CMA1: variants seen among roughly 807,000 people sequenced by gnomAD.
The protein encoded by CMA1 is chymase.
A neutral mutation model predicts 18.8 loss-of-function variants in CMA1; 24 were observed. That is an observed-to-expected ratio of 1.28 (90% confidence interval 0.92 to 1.80). The LOEUF (loss-of-function observed/expected upper bound fraction) is 1.80, where lower values mean the gene tolerates loss of function less well. Among genes scored for constraint, CMA1 ranks in the 40% most tolerant of loss-of-function variants. The pLI is 0.00. For synonymous variants in CMA1, 152 were observed against 117.0 expected (o/e 1.30, Z -1.93); for missense variants, 421 against 302.8 (o/e 1.39, Z -2.90).
At position 24,506,783 on chromosome 14, in the gene CMA1, G is replaced by A. The variant is rs916794109; in HGVS notation, c.210-179C>T. Among the ~76,000 whole-genome samples the A allele has an allele frequency of 2.0e-5, 3 of 152,166 alleles. No individual in the cohort carries two copies. The East Asian group carries it at 5.8e-4, about 29-fold the overall frequency. ...GGGCTCAGGCTTAACTCATGAAAGA[G>A]CTTTCTCAGGAAACAGACACAATTT... On this transcript the variant is annotated intron_variant, in intron 2 of 4. Coordinates refer to ENST00000250378, the MANE Select transcript of CMA1 (RefSeq NM_001836.5).
Position 24,506,084 on chromosome 14 carries a change from C to T in CMA1, c.544G>A (p.Asp182Asn). 6.2e-7 allele frequency: 1 copy of T among 1,614,222 alleles called. No homozygotes were observed. The highest frequency in any genetic ancestry group is 8.5e-7 in the Non-Finnish European group (1 of 1,180,038). The change falls in exon 4 of 5, where the codon GAC (aspartate) becomes AAC (asparagine). Residue 182 changes from aspartate to asparagine, a missense_variant. Transcript: ENST00000250378. ...CCCACACACAGCTGAAGATTGTGGTCAAAGTCTCTGAAGTGGCTGCAGGCC... is the reference window on the plus strand; with the variant it reads ...CCCACACACAGCTGAAGATTGTGGTTAAAGTCTCTGAAGTGGCTGCAGGCC... The part of the protein sequence containing the change: ...PQACSHFRDF[D>N]HNLQLCVGNP...
intron 4 of CMA1, 94 bp downstream of exon 4, chr14:24,505,934 C>G: frequency 6.6e-7 from 1 of 1,504,210 alleles, no homozygotes; most frequent in Non-Finnish European, 9.1e-7. Flanking sequence ...CTCACCCTGT[C>G]ACTGACTGAC....
intron 3 of CMA1, 37 bp from the exon 4 acceptor site, chr14:24,506,319 G>T: frequency 6.2e-7 from 1 of 1,606,664 alleles, no homozygotes; most frequent in Non-Finnish European, 8.5e-7. Flanking sequence ...TCCTCGAAAT[G>T]GGCTCTGGAC....
In CMA1 at chr14:24,506,347, G is replaced by A; in HGVS notation, c.346-65C>T. On this transcript the variant is annotated intron_variant, in intron 3 of 4. Coordinates refer to ENST00000250378, the MANE Select transcript of CMA1 (RefSeq NM_001836.5). ...CTCTGGACAGTTGGAGGTGATCAGG[G>A]AGGGACAGGGTGAGTAGCTTCATGT... 6 of 1,594,404 alleles carry A rather than the reference G, an allele frequency of 3.8e-6. No individual in the cohort carries two copies. The South Asian group carries it at 5.7e-5, about 15-fold the overall frequency.
At chr14:24,507,184 G>A (rs1351788702) in intron 2 of CMA1, among the ~76,000 whole-genome samples, 172 bp downstream of exon 2, 3 of 152,168 alleles carry the variant, frequency 2.0e-5, no homozygotes, top group Non-Finnish European at 4.4e-5. Context: ...CAGTGACTGA[G>A]GCTCAAGGAA....
At position 24,506,608 on chromosome 14, in the gene CMA1, T is replaced by C. The variant is rs5248; in HGVS notation, c.210-4A>G. The C allele has an allele frequency of 0.083, 133,636 of 1,612,974 alleles. 6,185 individuals are homozygous for C. Among genetic ancestry groups the C allele is most frequent in the East Asian group, 0.21 (9,338 of 44,856 alleles). On this transcript the variant is annotated splice_polypyrimidine_tract_variant and splice_region_variant and intron_variant, in intron 2 of 4. Transcript: ENST00000250378. ...TCCAAGGGTGACTGTTATAGACCTG[T>C]TGTGAGGAAGAAGGAAGGAAAAGGA...
chr14:24,505,658 C>A lies in CMA1; in HGVS notation c.602G>T (p.Gly201Val). ...NPRKTKSAFKGDSGGPLLCAG... is the reference protein window; with the variant it reads ...NPRKTKSAFKVDSGGPLLCAG... ...ACACAGAAGAGGGCCCCCAGAGTCT[C>A]CCTGTAGGGGGAGGAGAGAGAGAAG... is the stretch of plus-strand genomic sequence containing the variant. The change falls in exon 5 of 5, where the codon GGA (glycine) becomes GTA (valine). Residue 201 changes from glycine to valine, a missense_variant and splice_region_variant. Gly to Val is a moderately radical substitution (Grantham distance 109, BLOSUM62 -3). Coordinates refer to ENST00000250378, the MANE Select transcript of CMA1 (RefSeq NM_001836.5). The A allele has an allele frequency of 1.2e-6, 2 of 1,605,950 alleles. No individual in the cohort carries two copies. Among genetic ancestry groups the A allele is most frequent in the Non-Finnish European group, 1.7e-6 (2 of 1,176,278 alleles).
At chr14:24,505,720 A>G (rs2043847769) in intron 4 of CMA1, 61 bp from the exon 5 acceptor site, 1 of 1,541,464 alleles carries the variant, frequency 6.5e-7, no homozygotes, top group Admixed American at 2.0e-5. Context: ...CCTGTCTGCC[A>G]GCCAGCTTGG....
In CMA1 at chr14:24,506,592, G is replaced by C; in HGVS notation, c.222C>G (p.Val74=). The C allele has an allele frequency of 6.2e-7, 1 of 1,614,074 alleles. No individual in the cohort carries two copies. Among genetic ancestry groups the C allele is most frequent in the Non-Finnish European group, 8.5e-7 (1 of 1,180,020 alleles). Residue 74 remains valine (V), a synonymous_variant, in exon 3 of 5, where the codon GTC becomes GTG. Coordinates refer to ENST00000250378, the MANE Select transcript of CMA1 (RefSeq NM_001836.5). ...AAHCAGRSIT[V]TLGAHNITEE... ...CTGTTATGTTATGGGCTCCAAGGGT[G>C]ACTGTTATAGACCTGTTGTGAGGAA...
In CMA1 at chr14:24,506,087, A is replaced by G; in HGVS notation, c.541T>C (p.Phe181Leu). 1.2e-6 allele frequency: 2 copies of G among 1,614,220 alleles called. No individual in the cohort carries two copies. Among genetic ancestry groups the G allele is most frequent in the Non-Finnish European group, 1.7e-6 (2 of 1,180,028 alleles). ...ACACACAGCTGAAGATTGTGGTCAA[A>G]GTCTCTGAAGTGGCTGCAGGCCTGG... ...DPQACSHFRD[F>L]DHNLQLCVGN... The change falls in exon 4 of 5, where the codon TTT becomes CTT. Residue 181 changes from phenylalanine (F) to leucine (L), a missense_variant. Coordinates refer to ENST00000250378, the MANE Select transcript of CMA1 (RefSeq NM_001836.5).
At chr14:24,506,758 G>A (rs1055299264) in intron 2 of CMA1, among the ~76,000 whole-genome samples, 154 bp from the exon 3 acceptor site, 22 of 152,138 alleles carry the variant, frequency 1.4e-4, no homozygotes, top group African/African-American at 5.3e-4. Flanking sequence ...TGGCATTTGA[G>A]GGCTCAGGCT....
chr14:24,505,692 C>A, intron 4 of CMA1, 33 bp from the exon 5 acceptor site: 1 of 1,569,860 alleles, frequency 6.4e-7, no homozygotes, highest in Non-Finnish European at 8.6e-7. Context: ...AGAAGGTGAG[C>A]CCGGGAAGTC....
rs1280645274 is a variant in CMA1, at chr14:24,508,013, T to TG, written c.58+164dup. On this transcript the variant is annotated intron_variant, in intron 1 of 4. Coordinates refer to ENST00000250378, the MANE Select transcript of CMA1 (RefSeq NM_001836.5). ...CTAGGCTGTAGAGAATGGCAGTGGG[T>TG]GGGGGTGGGGGTGGGGTGGCACACA... is the stretch of plus-strand genomic sequence containing the variant. 9 of 415,904 alleles carry TG rather than the reference T, an allele frequency of 2.2e-5. No individual in the cohort carries two copies. The African/African-American group carries it at 4.8e-4, about 22-fold the overall frequency. 25.8% of individuals were successfully genotyped at this position (415,904 alleles called of 1,614,324 possible).
chr14:24,508,158 G>A lies in CMA1; in HGVS notation c.58+20C>T. The A allele has an allele frequency of 1.2e-6, 2 of 1,611,718 alleles. No individual in the cohort carries two copies. Among genetic ancestry groups the A allele is most frequent in the South Asian group, 1.1e-5 (1 of 90,844 alleles). On this transcript the variant is annotated intron_variant, in intron 1 of 4. Coordinates refer to ENST00000250378, the MANE Select transcript of CMA1 (RefSeq NM_001836.5). ...GGAGCTGATACTGCAGATTTCAGAG[G>A]GAAGAACCCTGATACTCACCAGCTT...
At chr14:24,507,240 C>T (rs2043865033) in intron 2 of CMA1, 116 bp downstream of exon 2, 1 of 1,229,916 alleles carries the variant, frequency 8.1e-7, no homozygotes, top group Admixed American at 1.7e-5. Flanking sequence ...TCTTCCCTCT[C>T]CTGAAAGTTG....
At chr14:24,506,762 T>C (rs1216231829) in intron 2 of CMA1, among the ~76,000 whole-genome samples, 158 bp from the exon 3 acceptor site, 2 of 152,154 alleles carry the variant, frequency 1.3e-5, no homozygotes, top group African/African-American at 4.8e-5. Flanking sequence ...ATTTGAGGGC[T>C]CAGGCTTAAC....
intron 1 of CMA1, 40 bp from the exon 2 acceptor site, chr14:24,507,546 T>G: frequency 6.3e-7 from 1 of 1,586,620 alleles, no homozygotes; most frequent in Non-Finnish European, 8.6e-7. Flanking sequence ...CGGCCATAGA[T>G]ACTCTCTCCA....
Position 24,507,226 on chromosome 14 carries a change from C to T in CMA1, c.209+130G>A, listed in dbSNP as rs1190644299. 2.0e-5 allele frequency: 21 copies of T among 1,075,046 alleles called. No homozygotes were observed. The Admixed American group carries it at 3.7e-4, about 19-fold the overall frequency. The allele number at this position is 1,075,046 out of a possible 1,614,324, so 66.6% of individuals were successfully genotyped here. A position where few individuals can be genotyped will look rare whatever the true frequency, so the allele number is the denominator to read the frequency against. ...AAACACAGACTAAAGTCTTTCAGCC[C>T]AAGTCTTCCCTCTCCTGAAAGTTGA... On this transcript the variant is annotated intron_variant, in intron 2 of 4. Transcript: ENST00000250378.
chr14:24,505,372 A>T lies in CMA1; in HGVS notation c.*144T>A. 1 of 1,015,096 alleles carries T rather than the reference A, an allele frequency of 9.9e-7. No individual in the cohort carries two copies. The highest frequency in any genetic ancestry group is 1.6e-5 in the African/African-American group (1 of 63,384). 62.9% of individuals were successfully genotyped at this position (1,015,096 alleles called of 1,614,324 possible). A position where few individuals can be genotyped will look rare whatever the true frequency, so the allele number is the denominator to read the frequency against. ...AGAAGCTGTGTCTTCACTGAGGTTT[A>T]TTGAGAGTTCTGTGACCTGTAGGAT... is the stretch of plus-strand genomic sequence containing the variant. On this transcript the variant is annotated 3_prime_UTR_variant, in exon 5 of 5. Transcript: ENST00000250378.
Sources: gnomAD v4.1 joint callset for allele counts (sites outside exome capture counted in the v4.1 genomes callset) on GRCh38, gnomAD v4.1.1 for gene constraint, MANE v1.5 for transcripts, NCBI Gene and HGNC (gene_info 2026-07-23, HGNC 2026-07-21) for gene names.